CMTM2: variants seen among roughly 807,000 people sequenced by gnomAD.
The protein encoded by CMTM2 is CKLF like MARVEL transmembrane domain containing 2.
In CMTM2, 15 loss-of-function variants were observed where a neutral mutation model predicts 16.8. The ratio of observed to expected loss-of-function variants is 0.89; its 90% CI spans 0.60 to 1.37. CMTM2 has a LOEUF of 1.37. Among genes scored for constraint, CMTM2 ranks in the 40% most tolerant of loss-of-function variants. The pLI, the probability that CMTM2 is intolerant of heterozygous loss-of-function variation, is 0.00. For synonymous variants in CMTM2, 117 were observed against 118.7 expected, an observed-to-expected ratio of 0.99 and a Z score of 0.09; for missense variants, 282 against 318.0, an observed-to-expected ratio of 0.89 and a Z score of 0.86.
At chr16:66,581,063 G>T (rs548994526) in intron 2 of CMTM2, among the ~76,000 whole-genome samples, 2 of 152,098 alleles carry the variant, frequency 1.3e-5, no homozygotes, top group South Asian at 2.1e-4. Flanking sequence ...TTGCCCCCAG[G>T]TCACTCAGCT....
intron 2 of CMTM2, among the ~76,000 whole-genome samples, chr16:66,586,449 A>T (rs1169059767): frequency 6.6e-6 from 1 of 152,016 alleles, no homozygotes; most frequent in Non-Finnish European, 1.5e-5. Flanking sequence ...ACCAGCCTGG[A>T]TAACATGGTG....
chr16:66,583,853 T>C (rs2014762418), intron 2 of CMTM2, among the ~76,000 whole-genome samples: 1 of 152,218 alleles, frequency 6.6e-6, no homozygotes, highest in Admixed American at 6.5e-5. Context: ...GCTTTGGTAC[T>C]AGCTCAGGGA....
At chr16:66,586,839 A>G (rs2014798270) in intron 2 of CMTM2, 158 bp from the exon 3 acceptor site, 2 of 609,476 alleles carry the variant, frequency 3.3e-6, no homozygotes, top group Admixed American at 2.7e-5. Context: ...GGCCACAGAT[A>G]TGTCCACCTA....
At chr16:66,583,670 C>CTTA (rs35597835) in intron 2 of CMTM2, among the ~76,000 whole-genome samples, 8,937 of 152,096 alleles carry the variant, frequency 0.059, 419 homozygotes, top group East Asian at 0.12. Context: ...AATATGAAAA[C>CTTA]TTATCATAGA....
chr16:66,585,709 G>A (rs999765868), intron 2 of CMTM2, among the ~76,000 whole-genome samples: 2 of 152,190 alleles, frequency 1.3e-5, no homozygotes, highest in Non-Finnish European at 2.9e-5. Context: ...TAAAGGGGAC[G>A]TTGGCAAGAC....
Position 66,579,560 on chromosome 16 carries a change from A to G in CMTM2, c.-48A>G. 6.2e-7 allele frequency: 1 copy of G among 1,607,076 alleles called. No homozygotes were observed. The highest frequency in any genetic ancestry group is 8.5e-7 in the Non-Finnish European group (1 of 1,177,450). On this transcript the variant is annotated 5_prime_UTR_variant, in exon 1 of 4. Coordinates refer to ENST00000268595, the MANE Select transcript of CMTM2 (RefSeq NM_144673.3). The surrounding 1 kb of genome is among the most constrained non-coding windows in gnomAD (Gnocchi z 6.5). ...CTGGCCTACCCAGAAACAGCAGGAG[A>G]GAGAAGAAACAGGCCAGCTGTGAGA...
In CMTM2 at chr16:66,580,305, G is replaced by A; in HGVS notation, c.444+121G>A. 7 of 1,095,984 alleles carry A rather than the reference G, an allele frequency of 6.4e-6. 1 individual carries two copies. The highest frequency in any genetic ancestry group is 2.9e-5 in the South Asian group (2 of 69,638). The allele number at this position is 1,095,984 out of a possible 1,614,324, so 67.9% of individuals were successfully genotyped here. ...CTCCCATATCTGTGCCTGGGTCAGG[G>A]ACTCAGAACATCAGTGGGGCCCAGG... On this transcript the variant is annotated intron_variant, in intron 2 of 3. Transcript: ENST00000268595.
Position 66,579,706 on chromosome 16 carries a change from G to A in CMTM2, c.99G>A (p.Glu33=), listed in dbSNP as rs749438996. Residue 33 remains glutamate, a synonymous_variant, in exon 1 of 4, where the codon GAG becomes GAA. Transcript: ENST00000268595. This position sits in a 1 kb window ranked among gnomAD's most constrained non-coding sequence, Gnocchi z 6.5. ...AGGAAGACAAGAAGGACGGTAAGGA[G>A]CCATCGGACAAACCTCAAAAGGCGG... is the stretch of plus-strand genomic sequence containing the variant. ...KPEEDKKDGK[E]PSDKPQKAVQ... is the part of the protein sequence containing the mutation. 3 of 1,613,484 alleles carry A rather than the reference G, an allele frequency of 1.9e-6. No individual in the cohort carries two copies. The highest frequency in any genetic ancestry group is 2.2e-5 in the East Asian group (1 of 44,850).
At chr16:66,585,957 T>C (rs1403583629) in intron 2 of CMTM2, among the ~76,000 whole-genome samples, 1 of 152,164 alleles carries the variant, frequency 6.6e-6, no homozygotes, top group Non-Finnish European at 1.5e-5. Flanking sequence ...CCCCATCCTC[T>C]AGGCCCAGGA....
chr16:66,579,823 G>A lies in CMTM2; in HGVS notation c.216G>A (p.Arg72=). 1.2e-6 allele frequency: 2 copies of A among 1,613,860 alleles called. No homozygotes were observed. The highest frequency in any genetic ancestry group is 8.5e-7 in the Non-Finnish European group (1 of 1,180,012). The part of the protein sequence containing the change: ...VGTRRGCRRY[R]WELKDSNKEF... ...CGAGGAGGGGGTGTCGCCGCTACCGGTGGGAATTAAAAGACAGCAATAAAG... is the reference window on the plus strand; with the variant it reads ...CGAGGAGGGGGTGTCGCCGCTACCGATGGGAATTAAAAGACAGCAATAAAG... The change falls in exon 1 of 4, where the codon CGG becomes CGA. Residue 72 remains arginine, a synonymous_variant. Coordinates refer to ENST00000268595, the MANE Select transcript of CMTM2 (RefSeq NM_144673.3). The surrounding 1 kb of genome is among the most constrained non-coding windows in gnomAD (Gnocchi z 6.5).
chr16:66,586,893 T>G, intron 2 of CMTM2, 104 bp from the exon 3 acceptor site: 1 of 792,530 alleles, frequency 1.3e-6, no homozygotes, highest in African/African-American at 1.7e-5. Context: ...TAAAATCAGG[T>G]GGAAATTTGC....
At position 66,579,547 on chromosome 16, in the gene CMTM2, G is replaced by A. The variant is rs2014677251; in HGVS notation, c.-61G>A. On this transcript the variant is annotated 5_prime_UTR_variant, in exon 1 of 4. Coordinates refer to ENST00000268595, the MANE Select transcript of CMTM2 (RefSeq NM_144673.3). The surrounding 1 kb of genome is among the most constrained non-coding windows in gnomAD (Gnocchi z 6.5). ...CACTCTAGTAGGCCTGGCCTACCCA[G>A]AAACAGCAGGAGAGAGAAGAAACAG... is the stretch of plus-strand genomic sequence containing the variant. 6.3e-7 allele frequency: 1 copy of A among 1,597,930 alleles called. No individual in the cohort carries two copies.
Position 66,579,638 on chromosome 16 carries a change from C to A in CMTM2, c.31C>A (p.Pro11Thr). The change falls in exon 1 of 4, where the codon CCA becomes ACA. Residue 11 changes from proline (P) to threonine (T), a missense_variant. Coordinates refer to ENST00000268595, the MANE Select transcript of CMTM2 (RefSeq NM_144673.3). This position sits in a 1 kb window ranked among gnomAD's most constrained non-coding sequence, Gnocchi z 6.5. The part of the protein sequence containing the change: MAPKAAKGAK[P>T]EPAPAPPPPG... ...ACCTAAGGCGGCAAAGGGGGCCAAG[C>A]CAGAGCCAGCACCAGCTCCACCTCC... The A allele has an allele frequency of 1.2e-6, 2 of 1,613,986 alleles. No homozygotes were observed. The highest frequency in any genetic ancestry group is 1.7e-6 in the Non-Finnish European group (2 of 1,179,990).
chr16:66,579,869 G>A lies in CMTM2; in HGVS notation c.262G>A (p.Ala88Thr), dbSNP rs751117468. ...TAAAGAGTTCTGGCTCTTGGGGCAC[G>A]CTGAGATCAAGATTCGGAGTTTGGT... ...SNKEFWLLGHAEIKIRSLGCL... is the reference protein window; with the variant it reads ...SNKEFWLLGHTEIKIRSLGCL... The change falls in exon 1 of 4, where the codon GCT becomes ACT. Residue 88 changes from alanine to threonine, a missense_variant. By Grantham distance (58) the Ala-to-Thr change is moderately conservative. Coordinates refer to ENST00000268595, the MANE Select transcript of CMTM2 (RefSeq NM_144673.3). This position sits in a 1 kb window ranked among gnomAD's most constrained non-coding sequence, Gnocchi z 6.5. 26 of 1,613,752 alleles carry A rather than the reference G, an allele frequency of 1.6e-5. No homozygotes were observed. Among genetic ancestry groups the A allele is most frequent in the Admixed American group, 1.0e-4 (6 of 59,986 alleles).
At position 66,579,943 on chromosome 16, in the gene CMTM2, G is replaced by A. The variant is rs749169475; in HGVS notation, c.285+51G>A. On this transcript the variant is annotated intron_variant, in intron 1 of 3. Transcript: ENST00000268595. The surrounding 1 kb of genome is among the most constrained non-coding windows in gnomAD (Gnocchi z 6.5). ...GGGGGGCCTTGGCCGAGGGTGGGGGGAAGGAGGAGTAGGCTCCAGGGGTCC... is the reference window on the plus strand; with the variant it reads ...GGGGGGCCTTGGCCGAGGGTGGGGGAAAGGAGGAGTAGGCTCCAGGGGTCC... 17 of 1,606,324 alleles carry A rather than the reference G, an allele frequency of 1.1e-5. No individual in the cohort carries two copies. Among genetic ancestry groups the A allele is most frequent in the East Asian group, 2.2e-5 (1 of 44,822 alleles).
intron 2 of CMTM2, among the ~76,000 whole-genome samples, chr16:66,582,331 G>T (rs1205820220): frequency 1.3e-5 from 2 of 152,186 alleles, no homozygotes; most frequent in African/African-American, 4.8e-5. Flanking sequence ...AAGGTATGGG[G>T]AAATTACCCA....
intron 2 of CMTM2, 191 bp downstream of exon 2, chr16:66,580,375 C>A: frequency 3.3e-6 from 2 of 610,760 alleles, no homozygotes; most frequent in East Asian, 2.8e-5. Context: ...AGAAAATGCT[C>A]CAAAAAGCCT....
chr16:66,580,241 G>A, intron 2 of CMTM2, 57 bp downstream of exon 2: 7 of 1,581,876 alleles, frequency 4.4e-6, no homozygotes, highest in East Asian at 2.2e-5. Flanking sequence ...GGTGTGTCTT[G>A]GCACCTGGAA....
At position 66,579,805 on chromosome 16, in the gene CMTM2, G is replaced by C. The variant is rs756562089; in HGVS notation, c.198G>C (p.Arg66Ser). 6.2e-7 allele frequency: 1 copy of C among 1,613,836 alleles called. No individual in the cohort carries two copies. The highest frequency in any genetic ancestry group is 8.5e-7 in the Non-Finnish European group (1 of 1,180,012). The change falls in exon 1 of 4, where the codon AGG (arginine) becomes AGC (serine). Residue 66 changes from arginine to serine, a missense_variant. Arg to Ser is a moderately radical substitution (Grantham distance 110). Transcript: ENST00000268595. The surrounding 1 kb of genome is among the most constrained non-coding windows in gnomAD (Gnocchi z 6.5). The stretch of plus-strand genomic sequence containing the variant: ...CCAAGCACGAAGTGGGCACGAGGAG[G>C]GGGTGTCGCCGCTACCGGTGGGAAT... Reference protein sequence around the residue: ...VQPKHEVGTRRGCRRYRWELK... With the variant: ...VQPKHEVGTRSGCRRYRWELK...
Sources: gnomAD v4.1 joint callset for allele counts (sites outside exome capture counted in the v4.1 genomes callset) on GRCh38, gnomAD v4.1.1 for gene constraint, Gnocchi (gnomAD v3.1) non-coding constraint, MANE v1.5 for transcripts, NCBI Gene and HGNC (gene_info 2026-07-23, HGNC 2026-07-21) for gene names.